Variants in CCDC22 observed in about 807,000 individuals in gnomAD.
CCDC22 encodes the protein CCC complex scaffolding subunit CCDC22, also known as coiled-coil domain-containing protein 22.
A neutral mutation model predicts 53.1 loss-of-function variants in CCDC22; 4 were observed. That is an observed-to-expected ratio of 0.08 (90% confidence interval 0.04 to 0.17). CCDC22 has a LOEUF of 0.17. Among genes scored for constraint, CCDC22 ranks in the 10% least tolerant of loss-of-function variants. The pLI, the probability that CCDC22 is intolerant of heterozygous loss-of-function variation, is 1.00. For synonymous variants in CCDC22, 222 were observed against 224.4 expected, an observed-to-expected ratio of 0.99 and a Z score of 0.10; for missense variants, 458 against 554.0, an observed-to-expected ratio of 0.83 and a Z score of 1.74.
chrX:49,237,090 G>T lies in CCDC22; in HGVS notation c.55G>T (p.Val19Phe). Reference sequence around the variant, plus strand: ...CAAGCTGGTCCCCTTCTTCAGGGCAGTTCCTCCAGATGTGCAGACCTTGCG... The same window carrying T: ...CAAGCTGGTCCCCTTCTTCAGGGCATTTCCTCCAGATGTGCAGACCTTGCG... ...IHSLRQAGTA[V>F]PPDVQTLRAF... Residue 19 changes from valine to phenylalanine, a missense_variant, in exon 2 of 17, where the codon GTT (valine) becomes TTT (phenylalanine). Transcript: ENST00000376227. 1 of 1,208,445 alleles carries T rather than the reference G, an allele frequency of 8.3e-7. No homozygotes were observed. The highest frequency in any genetic ancestry group is 1.1e-6 in the Non-Finnish European group (1 of 892,621).
rs369264021 is a variant in CCDC22, at chrX:49,243,123, G to A, written c.474G>A (p.Ser158=). 1,055 of 1,209,038 alleles carry A rather than the reference G, an allele frequency of 8.7e-4. 13 individuals are homozygous for A. In the South Asian group the frequency reaches 0.015, roughly 17 times the overall value. The change falls in exon 5 of 17, where the codon TCG becomes TCA. Residue 158 remains serine (S), a synonymous_variant. Coordinates refer to ENST00000376227, the MANE Select transcript of CCDC22 (RefSeq NM_014008.5). ...TGAGCCTGCTCTCCCACCAGGGCTC[G>A]GCCCTCCAGAAGCCTTTCCATGCCA... The part of the protein sequence containing the change: ...RTPKLQHLQG[S]ALQKPFHASR...
intron 2 of CCDC22, among the ~76,000 whole-genome samples, chrX:49,237,506 C>T (rs782279520): frequency 1.8e-5 from 2 of 111,911 alleles, no homozygotes; most frequent in East Asian, 2.8e-4. Context: ...GTGACCCTAA[C>T]CCTTCTGGGC....
chrX:49,242,429 A>T, intron 3 of CCDC22: 1 of 502,473 alleles, frequency 2.0e-6, no homozygotes, highest in Non-Finnish European at 2.4e-6. Context: ...CGCTCTAACC[A>T]CTTGGGCCTC....
chrX:49,238,375 G>A (rs139674211), intron 2 of CCDC22, among the ~76,000 whole-genome samples: 4,379 of 111,052 alleles, frequency 0.039, 94 homozygotes, highest in Non-Finnish European at 0.058. Flanking sequence ...CACTGCGCCC[G>A]GCCGACACGG....
At position 49,249,180 on chromosome X, in the gene CCDC22, C is replaced by T. The variant is rs782064535; in HGVS notation, c.1553C>T (p.Thr518Met). 7.6e-5 allele frequency: 92 copies of T among 1,207,940 alleles called. No homozygotes were observed. The South Asian group carries it at 1.1e-3, about 15-fold the overall frequency. Reference sequence around the variant, plus strand: ...GGTGTCTGCCAGATCTTGTCTGATACGAAGGAGCTTCAGAAGGAAATCAAC... The same window carrying T: ...GGTGTCTGCCAGATCTTGTCTGATATGAAGGAGCTTCAGAAGGAAATCAAC... ...KEEITKILSD[T>M]KELQKEINSL... is the part of the protein sequence containing the mutation. Residue 518 changes from threonine to methionine, a missense_variant, in exon 14 of 17, where the codon ACG (threonine) becomes ATG (methionine). Physicochemically the swap from Thr to Met is moderately conservative, Grantham distance 81 (BLOSUM62 -1). Around this residue, in one of 4 missense-constraint regions of CCDC22, gnomAD observed 48 missense variants for 83.4 expected, o/e 0.58. Coordinates refer to ENST00000376227, the MANE Select transcript of CCDC22 (RefSeq NM_014008.5).
At position 49,243,471 on chromosome X, in the gene CCDC22, A is replaced by G. The variant is rs782591281; in HGVS notation, c.714+9A>G. On this transcript the variant is annotated intron_variant, in intron 6 of 16. Coordinates refer to ENST00000376227, the MANE Select transcript of CCDC22 (RefSeq NM_014008.5). ...CCCGCCTCCCACCCCAGGTACAGCCAGATGCCTGGCTCCCTGCTGTCTGGG... is the reference window on the plus strand; with the variant it reads ...CCCGCCTCCCACCCCAGGTACAGCCGGATGCCTGGCTCCCTGCTGTCTGGG... 6.1e-6 allele frequency: 7 copies of G among 1,145,296 alleles called. No individual in the cohort carries two copies. The highest frequency in any genetic ancestry group is 8.2e-6 in the Non-Finnish European group (7 of 858,214). 94.4% of individuals were successfully genotyped at this position (1,145,296 alleles called of 1,213,427 possible). A position where few individuals can be genotyped will look rare whatever the true frequency, so the allele number is the denominator to read the frequency against.
At chrX:49,244,434 C>T (rs781963333) in intron 6 of CCDC22, among the ~76,000 whole-genome samples, 1 of 111,061 alleles carries the variant, frequency 9.0e-6, no homozygotes, top group African/African-American at 3.3e-5. Context: ...AATCTCTCTC[C>T]TCTTCCTCTC....
In CCDC22 at chrX:49,243,265, ACT is replaced by A; in HGVS notation, c.536-16_536-15del. On this transcript the variant is annotated splice_polypyrimidine_tract_variant and intron_variant, in intron 5 of 16. Coordinates refer to ENST00000376227, the MANE Select transcript of CCDC22 (RefSeq NM_014008.5). The stretch of plus-strand genomic sequence containing the variant: ...CGTTGCCATGCGGCAGGGCCAGCTG[ACT>A]CTGTTCCTGCCTCCAGAGCCACGGG... 1.7e-6 allele frequency: 2 copies of A among 1,196,907 alleles called. No homozygotes were observed. Among genetic ancestry groups the A allele is most frequent in the Non-Finnish European group, 1.1e-6 (1 of 886,237 alleles).
intron 7 of CCDC22, chrX:49,247,214 C>T (rs2065995067): frequency 4.6e-6 from 2 of 438,643 alleles, no homozygotes; most frequent in Non-Finnish European, 8.0e-6. Context: ...CTAAGATGTT[C>T]ACTCTGAGGG....
rs1557112856 is a variant in CCDC22, at chrX:49,237,231, C to T, written c.196C>T (p.Arg66Cys). 1 of 1,209,568 alleles carries T rather than the reference C, an allele frequency of 8.3e-7. No homozygotes were observed. Among genetic ancestry groups the T allele is most frequent in the Non-Finnish European group, 1.1e-6 (1 of 894,693 alleles). The change falls in exon 2 of 17, where the codon CGC (arginine) becomes TGC (cysteine). Residue 66 changes from arginine (R) to cysteine (C), a missense_variant. Physicochemically the swap from Arg to Cys is radical, Grantham distance 180. Transcript: ENST00000376227. ...LLPLAMSARFRLAMSLAQACM... is the reference protein window; with the variant it reads ...LLPLAMSARFCLAMSLAQACM... ...GCCTCTTGCCATGTCTGCCCGGTTC[C>T]GCCTGGCCATGAGCCTGGCTCAGGC...
chrX:49,239,180 C>T (rs1363705551), intron 2 of CCDC22, among the ~76,000 whole-genome samples: 2 of 110,512 alleles, frequency 1.8e-5, no homozygotes, highest in Non-Finnish European at 3.8e-5. Context: ...AGGGTTTCAC[C>T]ATCTTGGCCA....
chrX:49,238,371 G>A (rs892371855), intron 2 of CCDC22, among the ~76,000 whole-genome samples: 6 of 111,334 alleles, frequency 5.4e-5, no homozygotes, highest in Non-Finnish European at 9.4e-5. Context: ...GAGCCACTGC[G>A]CCCGGCCGAC....
At chrX:49,247,163 C>T (rs936641179) in intron 7 of CCDC22, 12 of 435,397 alleles carry the variant, frequency 2.8e-5, no homozygotes, top group Non-Finnish European at 4.4e-5. Flanking sequence ...GGGGCAACAC[C>T]CCCTTTCCTC....
intron 2 of CCDC22, among the ~76,000 whole-genome samples, chrX:49,238,100 G>A (rs782769384): frequency 1.1e-5 from 1 of 88,998 alleles, no homozygotes; most frequent in East Asian, 3.5e-4. Context: ...TTGATGTGAA[G>A]TCTCTCTCTG....
intron 2 of CCDC22, 110 bp from the exon 3 acceptor site, chrX:49,241,906 T>G (rs2065965522): frequency 2.3e-6 from 2 of 869,470 alleles, no homozygotes; most frequent in Non-Finnish European, 3.3e-6. Flanking sequence ...CTGGGGGAGG[T>G]TGGGAGGGTG....
At chrX:49,246,635 C>A in intron 6 of CCDC22, 96 bp from the exon 7 acceptor site, 1 of 760,377 alleles carries the variant, frequency 1.3e-6, no homozygotes, top group South Asian at 3.3e-5. Flanking sequence ...GGTGACTTGT[C>A]AGTATACTCT....
intron 2 of CCDC22, among the ~76,000 whole-genome samples, chrX:49,238,855 C>T (rs2065951042): frequency 8.9e-6 from 1 of 112,392 alleles, no homozygotes; most frequent in Non-Finnish European, 1.9e-5. Flanking sequence ...AGGCGTGCAC[C>T]ACTGTGCCTG....
In CCDC22 at chrX:49,241,473, C is replaced by T. The variant is rs185028494; in HGVS notation, c.229-543C>T. Among the ~76,000 whole-genome samples the T allele has an allele frequency of 4.8e-3, 393 of 81,363 alleles. 5 individuals carry two copies. Among genetic ancestry groups the T allele is most frequent in the African/African-American group, 0.017 (368 of 21,510 alleles). The allele number at this position is 81,363 out of a possible 115,157, so 70.7% of individuals were successfully genotyped here. On this transcript the variant is annotated intron_variant, in intron 2 of 16. Transcript: ENST00000376227. Reference sequence around the variant, plus strand: ...CTGCACTCCAGCCTGAGCGACAGAGCGAGACCCTGTCTCAAAAAAAAAAAA... The same window carrying T: ...CTGCACTCCAGCCTGAGCGACAGAGTGAGACCCTGTCTCAAAAAAAAAAAA...
intron 1 of CCDC22, chrX:49,236,841 A>G: frequency 6.1e-6 from 2 of 329,141 alleles, no homozygotes; most frequent in Non-Finnish European, 1.1e-5. Flanking sequence ...CCAAATTTTG[A>G]TATTTTTCTA....
Sources: gnomAD v4.1 joint callset for allele counts (sites outside exome capture counted in the v4.1 genomes callset) on GRCh38, gnomAD v4.1.1 for gene constraint, gnomAD v4.1.1 regional missense constraint, MANE v1.5 for transcripts, NCBI Gene and HGNC (gene_info 2026-07-23, HGNC 2026-07-21) for gene names.